Variants in SUDS3 observed in about 807,000 individuals in gnomAD.
The protein encoded by SUDS3 is sin3 histone deacetylase corepressor complex component SDS3.
In SUDS3, 23 loss-of-function variants were observed where a neutral mutation model predicts 53.5. That is an observed-to-expected ratio of 0.43 (90% CI 0.31 to 0.61). The LOEUF (loss-of-function observed/expected upper bound fraction) is 0.61. SUDS3 is among the 20% of genes least tolerant of loss of function. The probability of loss-of-function intolerance (pLI) is 0.10; values close to 1 mark genes in which losing one functional copy is unlikely to be tolerated. For missense variants in SUDS3, 291 were observed against 405.9 expected (o/e 0.72, Z 2.43); for synonymous variants, 150 against 148.5 (o/e 1.01, Z -0.08).
At chr12:118,389,975 A>G in intron 5 of SUDS3, 29 bp downstream of exon 5, 1 of 1,613,930 alleles carries the variant, frequency 6.2e-7, no homozygotes, top group Non-Finnish European at 8.5e-7. Context: ...CTGGGTTTGC[A>G]GGCCCTGTCT....
chr12:118,385,212 G>A (rs910896595), intron 3 of SUDS3, among the ~76,000 whole-genome samples: 14 of 152,038 alleles, frequency 9.2e-5, no homozygotes, highest in African/African-American at 3.1e-4. Flanking sequence ...GGGTTCAAGC[G>A]ATTCTCCTGC....
rs376828095 is a variant in SUDS3, at chr12:118,391,290, A to G, written c.517+8A>G. ...CAATGGAACTGACTGGAGGTAGGAA[A>G]GCCCTATGGGGTGGGATCTTGGGGG... On this transcript the variant is annotated splice_region_variant and intron_variant, in intron 6 of 11. Transcript: ENST00000543473. The G allele has an allele frequency of 5.4e-5, 86 of 1,604,888 alleles. No homozygotes were observed. The African/African-American group carries it at 9.0e-4, about 17-fold the overall frequency.
intron 6 of SUDS3, among the ~76,000 whole-genome samples, chr12:118,397,869 C>T (rs2046230021): frequency 6.6e-6 from 1 of 152,176 alleles, no homozygotes. Flanking sequence ...CCCCACTCCC[C>T]AGTCTTGGCA....
chr12:118,385,996 G>A, intron 3 of SUDS3, 118 bp from the exon 4 acceptor site: 1 of 811,094 alleles, frequency 1.2e-6, no homozygotes, highest in Non-Finnish European at 2.1e-6. Flanking sequence ...GCTGAGGTGT[G>A]TCTTCCTTTG....
At chr12:118,393,652 T>C (rs950521785) in intron 6 of SUDS3, among the ~76,000 whole-genome samples, 19 of 149,504 alleles carry the variant, frequency 1.3e-4, no homozygotes, top group Admixed American at 6.1e-4. Context: ...CCTGCATTTC[T>C]TTCTTTCTTT....
At chr12:118,408,450 C>T (rs1036080649) in intron 10 of SUDS3, among the ~76,000 whole-genome samples, 1 of 151,830 alleles carries the variant, frequency 6.6e-6, no homozygotes, top group Non-Finnish European at 1.5e-5. Flanking sequence ...TCTTGTGCTT[C>T]AGCCTCCCGA....
chr12:118,395,216 GTTTTTTTTTTTTTTTTTTT>G (rs71772462), intron 6 of SUDS3, among the ~76,000 whole-genome samples: 12 of 80,096 alleles, frequency 1.5e-4, no homozygotes, highest in African/African-American at 6.1e-4. Context: ...TGGAATCAGG[GTTTTTTTTTTTTTTTTTTT>G]TTTTTTTTAA....
At chr12:118,403,055 G>C (rs1209402302) in intron 9 of SUDS3, among the ~76,000 whole-genome samples, 1 of 152,160 alleles carries the variant, frequency 6.6e-6, no homozygotes, top group Non-Finnish European at 1.5e-5. Context: ...ACCGCACCCT[G>C]CTGAAAACGA....
At chr12:118,410,584 A>ATTTAT (rs1593785329) in intron 10 of SUDS3, among the ~76,000 whole-genome samples, 2 of 135,612 alleles carry the variant, frequency 1.5e-5, no homozygotes, top group Admixed American at 7.7e-5. Flanking sequence ...TATTTATTTT[A>ATTTAT]TTTATTTATT....
rs187755700 is a variant in SUDS3, at chr12:118,389,957, C to T, written c.360+11C>T. ...TTCCTCCAGCTGGAAGTAAGTACCACGGATCTTCTGGGTTTGCAGGCCCTG... is the reference window on the plus strand; with the variant it reads ...TTCCTCCAGCTGGAAGTAAGTACCATGGATCTTCTGGGTTTGCAGGCCCTG... On this transcript the variant is annotated intron_variant, in intron 5 of 11. Coordinates refer to ENST00000543473, the MANE Select transcript of SUDS3 (RefSeq NM_022491.3). 4.8e-5 allele frequency: 77 copies of T among 1,614,010 alleles called. 1 individual carries two copies. In the Admixed American group the frequency reaches 6.2e-4, roughly 13 times the overall value.
At chr12:118,384,133 G>A in intron 3 of SUDS3, 66 bp downstream of exon 3, 2 of 1,474,256 alleles carry the variant, frequency 1.4e-6, no homozygotes, top group East Asian at 2.3e-5. Context: ...CTTGAAATCT[G>A]TGTATTTCAC....
rs1349571886 is a variant in SUDS3, at chr12:118,414,406, C to T, written c.960C>T (p.Phe320=). The T allele has an allele frequency of 7.5e-6, 12 of 1,598,438 alleles. No homozygotes were observed. The highest frequency in any genetic ancestry group is 4.0e-5 in the African/African-American group (3 of 74,600). The change falls in exon 12 of 12, where the codon TTC becomes TTT. Residue 320 remains phenylalanine, a synonymous_variant. Coordinates refer to ENST00000543473, the MANE Select transcript of SUDS3 (RefSeq NM_022491.3). ...TGGGCCAGCTTCAGCGCGGGCTCTT[C>T]GTGATCCGCCGGCGCTCAGCTGCTT... is the stretch of plus-strand genomic sequence containing the variant. ...IYLGQLQRGL[F]VIRRRSAA
At chr12:118,382,038 G>A (rs2046068559) in intron 2 of SUDS3, among the ~76,000 whole-genome samples, 1 of 151,018 alleles carries the variant, frequency 6.6e-6, no homozygotes, top group African/African-American at 2.4e-5. Context: ...GAATAAAGAT[G>A]GATTACTTTT....
chr12:118,381,667 G>A (rs1490225408), intron 2 of SUDS3, among the ~76,000 whole-genome samples: 5 of 152,242 alleles, frequency 3.3e-5, no homozygotes, highest in East Asian at 1.9e-4. Context: ...GATTACAGGC[G>A]TGAGCGACCC....
chr12:118,391,032 A>T, intron 5 of SUDS3, 94 bp from the exon 6 acceptor site: 1 of 1,414,718 alleles, frequency 7.1e-7, no homozygotes, highest in Non-Finnish European at 1.0e-6. Context: ...GGAAACTCTC[A>T]CACACTTTGC....
intron 6 of SUDS3, among the ~76,000 whole-genome samples, chr12:118,394,464 A>G (rs914221108): frequency 2.0e-5 from 3 of 152,142 alleles, no homozygotes; most frequent in African/African-American, 7.2e-5. Flanking sequence ...CTCCAAGCAT[A>G]TTCTCTTCAC....
chr12:118,388,420 CTG>C (rs1306809589), intron 4 of SUDS3, among the ~76,000 whole-genome samples: 2 of 152,164 alleles, frequency 1.3e-5, no homozygotes, highest in Non-Finnish European at 2.9e-5. Flanking sequence ...TCTTTGTGGA[CTG>C]TACGCACAGC....
rs113340474 is a variant in SUDS3 at position 118,383,995 on chromosome 12, C to CT, written c.213-5dup. ...TGAATGTTTTTATCTGTTAGTGTGA[C>CT]TTTTTTTTTTTTATAGGATGTATCA... is the stretch of plus-strand genomic sequence containing the variant. On this transcript the variant is annotated splice_polypyrimidine_tract_variant and intron_variant, in intron 2 of 11. Transcript: ENST00000543473. 245,219 of 1,242,330 alleles carry CT rather than the reference C, an allele frequency of 0.2. 2,394 individuals carry two copies. The highest frequency in any genetic ancestry group is 0.23 in the Non-Finnish European group (200,821 of 892,420). 77.0% of individuals were successfully genotyped at this position (1,242,330 alleles called of 1,614,324 possible). A position where few individuals can be genotyped will look rare whatever the true frequency, so the allele number is the denominator to read the frequency against.
chr12:118,397,703 G>T (rs2046228190), intron 6 of SUDS3, among the ~76,000 whole-genome samples: 1 of 151,394 alleles, frequency 6.6e-6, no homozygotes. Context: ...GATTGTTGCT[G>T]TGACCAGGCT....
Sources: gnomAD v4.1 joint callset for allele counts (sites outside exome capture counted in the v4.1 genomes callset) on GRCh38, gnomAD v4.1.1 for gene constraint, MANE v1.5 for transcripts, NCBI Gene and HGNC (gene_info 2026-07-23, HGNC 2026-07-21) for gene names.